The following FAXDC2 variants were observed in gnomAD, a reference collection of about 807,000 sequenced individuals.
The protein encoded by FAXDC2 is fatty acid hydroxylase domain-containing protein 2.
Under a neutral mutation model 40.9 loss-of-function variants are expected in FAXDC2, and 41 were observed. That is an observed-to-expected ratio of 1.00 (90% CI 0.78 to 1.30). The LOEUF (loss-of-function observed/expected upper bound fraction) is 1.30. Ranked by LOEUF, FAXDC2 falls within the 50% of genes most tolerant of loss-of-function variation. FAXDC2 has a pLI of 0.00. For missense variants in FAXDC2, 390 were observed against 408.8 expected, an observed-to-expected ratio of 0.95 and a Z score of 0.40; for synonymous variants, 157 against 149.3, an observed-to-expected ratio of 1.05 and a Z score of -0.38.
intron 4 of FAXDC2, 27 bp from the exon 5 acceptor site, chr5:154,830,949 G>A (rs768434374): frequency 1.9e-6 from 3 of 1,611,206 alleles, no homozygotes; most frequent in South Asian, 1.1e-5. Flanking sequence ...GAAACAGTCA[G>A]GGCGACTTTG....
At position 154,830,800 on chromosome 5, in the gene FAXDC2, C is replaced by A. The variant is rs753319521; in HGVS notation, c.366+1G>T. Reference sequence around the variant, plus strand: ...TGACCAGAAGTTGCAACAACACTTACAGGTTCATTCTTGCCGACCTGAATT... The same window carrying A: ...TGACCAGAAGTTGCAACAACACTTAAAGGTTCATTCTTGCCGACCTGAATT... On this transcript the variant is annotated splice_donor_variant, in intron 5 of 8. Coordinates refer to ENST00000326080, the MANE Select transcript of FAXDC2 (RefSeq NM_032385.5). LOFTEE classifies it high-confidence loss of function. 23 of 1,614,042 alleles carry A rather than the reference C, an allele frequency of 1.4e-5. No homozygotes were observed. Among genetic ancestry groups the A allele is most frequent in the Non-Finnish European group, 1.9e-5 (22 of 1,179,938 alleles).
rs1381996697 is a variant in FAXDC2 at position 154,820,049 on chromosome 5, C to T, written c.*267G>A. The T allele has an allele frequency of 3.2e-5, 11 of 345,634 alleles. No homozygotes were observed. The highest frequency in any genetic ancestry group is 5.6e-5 in the Non-Finnish European group (10 of 177,100). 21.4% of individuals were successfully genotyped at this position (345,634 alleles called of 1,614,324 possible). A position where few individuals can be genotyped will look rare whatever the true frequency, so the allele number is the denominator to read the frequency against. On this transcript the variant is annotated 3_prime_UTR_variant, in exon 9 of 9. Transcript: ENST00000326080. ...TTCCACAGCAGAGGACCAGGGGTCT[C>T]CTCCCTCTGACCAGCCTCCAGTCTG...
chr5:154,839,749 T>C (rs1760436537), intron 1 of FAXDC2, among the ~76,000 whole-genome samples: 1 of 152,178 alleles, frequency 6.6e-6, no homozygotes, highest in Non-Finnish European at 1.5e-5. Flanking sequence ...TACTAGTTGT[T>C]CAAAAATTTT....
chr5:154,839,631 G>C (rs1760433733), intron 1 of FAXDC2, among the ~76,000 whole-genome samples: 2 of 151,776 alleles, frequency 1.3e-5, no homozygotes, highest in Non-Finnish European at 2.9e-5. Flanking sequence ...GGACGACAGA[G>C]TGTGACCTTG....
chr5:154,837,774 C>T (rs1445075336), intron 2 of FAXDC2, among the ~76,000 whole-genome samples: 1 of 152,156 alleles, frequency 6.6e-6, no homozygotes, highest in Non-Finnish European at 1.5e-5. Flanking sequence ...TTCTCAGCTA[C>T]CTCCAGAAAG....
In FAXDC2 at chr5:154,834,708, C is replaced by A. The variant is rs1177453140; in HGVS notation, c.161G>T (p.Gly54Val). The A allele has an allele frequency of 6.2e-7, 1 of 1,613,776 alleles. No homozygotes were observed. Among genetic ancestry groups the A allele is most frequent in the East Asian group, 2.2e-5 (1 of 44,864 alleles). The change falls in exon 4 of 9, where the codon GGT becomes GTT. Residue 54 changes from glycine to valine, a missense_variant. Coordinates refer to ENST00000326080, the MANE Select transcript of FAXDC2 (RefSeq NM_032385.5). ...SVTWHLQRFW[G>V]ASGYFWQAQW... ...GGCTTGCCAAAAGTAGCCAGAAGCACCCCAAAATCTCTGAAGATGCCTTGG... is the reference window on the plus strand; with the variant it reads ...GGCTTGCCAAAAGTAGCCAGAAGCAACCCAAAATCTCTGAAGATGCCTTGG...
chr5:154,838,149 G>A lies in FAXDC2; in HGVS notation c.30C>T (p.His10=). Residue 10 remains histidine, a synonymous_variant, in exon 2 of 9, where the codon CAC becomes CAT. Coordinates refer to ENST00000326080, the MANE Select transcript of FAXDC2 (RefSeq NM_032385.5). MKGEAGHML[H]NEKSKQEGHI... ...CATTTACCTGCTTTGACTTTTCATT[G>A]TGTAGCATATGTCCAGCTTCTCCTT... 6.2e-7 allele frequency: 1 copy of A among 1,613,296 alleles called. No homozygotes were observed. Among genetic ancestry groups the A allele is most frequent in the Admixed American group, 1.7e-5 (1 of 59,948 alleles).
intron 2 of FAXDC2, among the ~76,000 whole-genome samples, chr5:154,835,759 T>A (rs1404959845): frequency 1.3e-5 from 2 of 151,852 alleles, no homozygotes; most frequent in Admixed American, 6.6e-5. Context: ...TTTTTTGTAT[T>A]TTTAATAGAG....
Position 154,820,116 on chromosome 5 carries a change from C to T in FAXDC2, c.*200G>A, listed in dbSNP as rs17116466. On this transcript the variant is annotated 3_prime_UTR_variant, in exon 9 of 9. Coordinates refer to ENST00000326080, the MANE Select transcript of FAXDC2 (RefSeq NM_032385.5). ...TTTTTCTTAAGCTAACTCCTGATCCCATTGAGGGACATCAAGGGCAGTAGT... is the reference window on the plus strand; with the variant it reads ...TTTTTCTTAAGCTAACTCCTGATCCTATTGAGGGACATCAAGGGCAGTAGT... 0.011 allele frequency: 6,320 copies of T among 570,654 alleles called. 245 individuals are homozygous for T. The highest frequency in any genetic ancestry group is 0.075 in the South Asian group (3,548 of 47,264). 35.3% of individuals were successfully genotyped at this position (570,654 alleles called of 1,614,324 possible).
chr5:154,830,506 C>T (rs1430731213), intron 5 of FAXDC2: 3 of 289,588 alleles, frequency 1.0e-5, no homozygotes, highest in Non-Finnish European at 1.3e-5. Flanking sequence ...AGTGGAGTTG[C>T]CTGCCTTCTC....
chr5:154,848,871 A>G (rs1760668955), intron 1 of FAXDC2, among the ~76,000 whole-genome samples: 1 of 150,756 alleles, frequency 6.6e-6, no homozygotes, highest in African/African-American at 2.4e-5. Context: ...GGAGGCTGAG[A>G]CAGGAGAATC....
intron 1 of FAXDC2, among the ~76,000 whole-genome samples, chr5:154,842,459 C>A (rs1760497240): frequency 6.7e-6 from 1 of 148,896 alleles, no homozygotes; most frequent in African/African-American, 2.5e-5. Flanking sequence ...CCGCCTCGAC[C>A]TCCCAAAGTG....
chr5:154,820,735 A>G, intron 8 of FAXDC2: 1 of 361,384 alleles, frequency 2.8e-6, no homozygotes, highest in Non-Finnish European at 5.2e-6. Flanking sequence ...GAGAATCTCT[A>G]GCAGAACTAG....
chr5:154,822,420 G>A (rs1679634924), intron 7 of FAXDC2, 52 bp downstream of exon 7: 1 of 1,292,066 alleles, frequency 7.7e-7, no homozygotes, highest in Admixed American at 1.7e-5. Flanking sequence ...CCTTCAGGAA[G>A]GTGGTTGGGG....
Position 154,834,681 on chromosome 5 carries a change from T to C in FAXDC2, c.188A>G (p.Gln63Arg), listed in dbSNP as rs1760274438. Residue 63 changes from glutamine (Q) to arginine (R), a missense_variant, in exon 4 of 9, where the codon CAG (glutamine) becomes CGG (arginine). Physicochemically the swap from Gln to Arg is conservative, Grantham distance 43. Transcript: ENST00000326080. ...AAATGTAGTCAGCAGCCTCTCCCACTGGGCTTGCCAAAAGTAGCCAGAAGC... is the reference window on the plus strand; with the variant it reads ...AAATGTAGTCAGCAGCCTCTCCCACCGGGCTTGCCAAAAGTAGCCAGAAGC... The part of the protein sequence containing the change: ...WGASGYFWQA[Q>R]WERLLTTFEG... 1 of 1,613,354 alleles carries C rather than the reference T, an allele frequency of 6.2e-7. No individual in the cohort carries two copies. The highest frequency in any genetic ancestry group is 1.3e-5 in the African/African-American group (1 of 74,830).
intron 2 of FAXDC2, among the ~76,000 whole-genome samples, chr5:154,837,693 T>C (rs926667835): frequency 3.2e-4 from 48 of 152,148 alleles, no homozygotes; most frequent in Non-Finnish European, 6.0e-4. Context: ...GAAGGAAATA[T>C]AAACAGGACA....
In FAXDC2 at chr5:154,823,367, C is replaced by T. The variant is rs1759935170; in HGVS notation, c.572+20G>A. 4 of 1,611,284 alleles carry T rather than the reference C, an allele frequency of 2.5e-6. No individual in the cohort carries two copies. The highest frequency in any genetic ancestry group is 3.4e-6 in the Non-Finnish European group (4 of 1,178,744). Reference sequence around the variant, plus strand: ...AGACAGGATGAGGAGCCAGCTGTGCCTCAGGCAGGGCCTGCTCACCGGTGT... The same window carrying T: ...AGACAGGATGAGGAGCCAGCTGTGCTTCAGGCAGGGCCTGCTCACCGGTGT... On this transcript the variant is annotated intron_variant, in intron 6 of 8. Coordinates refer to ENST00000326080, the MANE Select transcript of FAXDC2 (RefSeq NM_032385.5).
intron 5 of FAXDC2, among the ~76,000 whole-genome samples, chr5:154,827,043 G>A (rs1353194158): frequency 1.3e-5 from 2 of 152,112 alleles, no homozygotes; most frequent in Admixed American, 6.5e-5. Flanking sequence ...GGTGTCTCAC[G>A]CCTTTTATCC....
chr5:154,840,788 C>T (rs1210603514), intron 1 of FAXDC2, among the ~76,000 whole-genome samples: 1 of 152,094 alleles, frequency 6.6e-6, no homozygotes, highest in Non-Finnish European at 1.5e-5. Context: ...TGAGCTCAAG[C>T]GATCCTCCCG....
Sources: gnomAD v4.1 joint callset for allele counts (sites outside exome capture counted in the v4.1 genomes callset) on GRCh38, gnomAD v4.1.1 for gene constraint, MANE v1.5 for transcripts, NCBI Gene and HGNC (gene_info 2026-07-23, HGNC 2026-07-21) for gene names.